Variants in KCNQ4 observed in about 807,000 individuals in gnomAD.
The protein encoded by KCNQ4 is potassium voltage-gated channel subfamily Q member 4.
Under a neutral mutation model 72.6 loss-of-function variants are expected in KCNQ4, and 31 were observed. The ratio of observed to expected loss-of-function variants is 0.43; its 90% CI spans 0.32 to 0.58. The LOEUF is 0.58. Ranked by LOEUF, KCNQ4 falls within the 20% of genes least tolerant of loss-of-function variation. The pLI is 0.08. For synonymous variants in KCNQ4, 405 were observed against 403.7 expected, an observed-to-expected ratio of 1.00 and a Z score of -0.04; for missense variants, 869 against 962.6, an observed-to-expected ratio of 0.90 and a Z score of 1.29.
chr1:40,839,360 A>G lies in KCNQ4; in HGVS notation c.*837A>G, dbSNP rs1358367746. 1 of 151,782 alleles carries G rather than the reference A, an allele frequency of 6.6e-6. No individual in the cohort carries two copies. The highest frequency in any genetic ancestry group is 1.5e-5 in the Non-Finnish European group (1 of 67,956). The allele number at this position is 151,782 out of a possible 1,614,324, so 9.4% of individuals were successfully genotyped here. A position where few individuals can be genotyped will look rare whatever the true frequency, so the allele number is the denominator to read the frequency against. ...CACAGGTTTCTGTATCCTCCCCAAA[A>G]CTCCCAGACAGTGCTTCGTGGACGA... is the stretch of plus-strand genomic sequence containing the variant. On this transcript the variant is annotated 3_prime_UTR_variant, in exon 14 of 14. Transcript: ENST00000347132.
chr1:40,835,228 G>A, intron 12 of KCNQ4, 130 bp downstream of exon 12: 4 of 1,249,180 alleles, frequency 3.2e-6, no homozygotes, highest in Non-Finnish European at 4.4e-6. Flanking sequence ...GACTGAGGAG[G>A]TCCCTGGCTT....
In KCNQ4 at chr1:40,788,006, TCCTC is replaced by T. The variant is rs1414753708; in HGVS notation, c.314+3604_314+3607del. 6.6e-6 allele frequency among the ~76,000 whole-genome samples: 1 copy of T among 151,834 alleles called. No homozygotes were observed. Among genetic ancestry groups the T allele is most frequent in the African/African-American group, 2.4e-5 (1 of 41,264 alleles). On this transcript the variant is annotated intron_variant, in intron 1 of 13. Transcript: ENST00000347132. This position sits in a 1 kb window ranked among gnomAD's most constrained non-coding sequence, Gnocchi z 4.5. Reference sequence around the variant, plus strand: ...GTGAAGGTTTGCGGCTCTGTAAACATCCTCCCTCAGCCTTGTCCGTGGGGTCAGA... The same window carrying T: ...GTGAAGGTTTGCGGCTCTGTAAACATCCTCAGCCTTGTCCGTGGGGTCAGA...
In KCNQ4 at chr1:40,794,940, C is replaced by T. The variant is rs1004085567; in HGVS notation, c.314+10533C>T. 6.9e-6 allele frequency among the ~76,000 whole-genome samples: 1 copy of T among 145,552 alleles called. No homozygotes were observed. Among genetic ancestry groups the T allele is most frequent in the African/African-American group, 2.6e-5 (1 of 38,736 alleles). The stretch of plus-strand genomic sequence containing the variant: ...TCCCGCACTTTGCAGTGAGGACCAA[C>T]CCAAGGCTCTTTCCTAAGATTGGGT... On this transcript the variant is annotated intron_variant, in intron 1 of 13. Coordinates refer to ENST00000347132, the MANE Select transcript of KCNQ4 (RefSeq NM_004700.4). The surrounding 1 kb of genome is among the most constrained non-coding windows in gnomAD (Gnocchi z 4.2).
chr1:40,834,725 C>T (rs965305785), intron 11 of KCNQ4, among the ~76,000 whole-genome samples: 2 of 152,114 alleles, frequency 1.3e-5, no homozygotes, highest in Non-Finnish European at 2.9e-5. Flanking sequence ...CCTGTCTTCT[C>T]ATACCATGGC....
rs1372294870 is a variant in KCNQ4 at position 40,818,695 on chromosome 1, C to T, written c.708+15C>T. On this transcript the variant is annotated intron_variant, in intron 4 of 13. Coordinates refer to ENST00000347132, the MANE Select transcript of KCNQ4 (RefSeq NM_004700.4). ...CGCATAGCAAGGTGAGGCCTGCAAG[C>T]CGCGCGCGGAGACCCGAGGGCGTGT... 2 of 1,574,396 alleles carry T rather than the reference C, an allele frequency of 1.3e-6. No individual in the cohort carries two copies. Among genetic ancestry groups the T allele is most frequent in the African/African-American group, 1.3e-5 (1 of 74,088 alleles).
chr1:40,790,112 A>G (rs1351526009), intron 1 of KCNQ4, among the ~76,000 whole-genome samples: 1 of 152,222 alleles, frequency 6.6e-6, no homozygotes, highest in Non-Finnish European at 1.5e-5. Context: ...GGGAGTGAAG[A>G]GCACGGGCTC....
At chr1:40,812,700 G>T (rs982840595) in intron 1 of KCNQ4, among the ~76,000 whole-genome samples, 28 of 152,234 alleles carry the variant, frequency 1.8e-4, no homozygotes, top group African/African-American at 6.5e-4. Context: ...GCCAAATGGA[G>T]ATGGTCAAGG....
chr1:40,791,261 A>G (rs1489244013), intron 1 of KCNQ4, among the ~76,000 whole-genome samples: 1 of 152,208 alleles, frequency 6.6e-6, no homozygotes, highest in Non-Finnish European at 1.5e-5. Flanking sequence ...TGCCTGGCAC[A>G]CAGTCGTGGT....
chr1:40,805,996 C>A (rs969355838), intron 1 of KCNQ4, among the ~76,000 whole-genome samples: 19 of 152,186 alleles, frequency 1.2e-4, no homozygotes, highest in African/African-American at 4.1e-4. Flanking sequence ...CGCCCACCAC[C>A]ACGCCTGGCT....
intron 1 of KCNQ4, among the ~76,000 whole-genome samples, chr1:40,812,931 G>A (rs904765654): frequency 1.3e-5 from 2 of 152,234 alleles, no homozygotes; most frequent in Non-Finnish European, 2.9e-5. Context: ...AGGGGCAAGA[G>A]AGTGGAGATG....
chr1:40,802,709 C>A (rs973830181), intron 1 of KCNQ4, among the ~76,000 whole-genome samples: 1 of 152,188 alleles, frequency 6.6e-6, no homozygotes, highest in African/African-American at 2.4e-5. Context: ...GAACCCGTAC[C>A]TCTCCCGAGA....
intron 1 of KCNQ4, among the ~76,000 whole-genome samples, chr1:40,798,198 C>T (rs1647469761): frequency 6.6e-6 from 1 of 152,112 alleles, no homozygotes; most frequent in Non-Finnish European, 1.5e-5. Flanking sequence ...CTCAGGTCAG[C>T]AGTAGAGCCC....
intron 1 of KCNQ4, among the ~76,000 whole-genome samples, chr1:40,797,734 G>C (rs1557991967): frequency 6.6e-6 from 1 of 152,140 alleles, no homozygotes; most frequent in Non-Finnish European, 1.5e-5. Flanking sequence ...GCCTCCTCCA[G>C]AGCTATTGAC....
chr1:40,795,415 C>T (rs915635537), intron 1 of KCNQ4, among the ~76,000 whole-genome samples: 1 of 151,998 alleles, frequency 6.6e-6, no homozygotes, highest in Admixed American at 6.6e-5. Context: ...GTGCACGTCA[C>T]GGCGCTAGGC....
chr1:40,824,670 C>G (rs1648423475), intron 9 of KCNQ4, among the ~76,000 whole-genome samples: 1 of 152,216 alleles, frequency 6.6e-6, no homozygotes, highest in African/African-American at 2.4e-5. Context: ...GGGCACCATC[C>G]TGGGGTGTGA....
chr1:40,824,329 C>T, intron 9 of KCNQ4, 71 bp downstream of exon 9: 2 of 1,505,770 alleles, frequency 1.3e-6, no homozygotes, highest in South Asian at 2.4e-5. Context: ...TCTTCATCCT[C>T]TCTCAGACCT....
intron 1 of KCNQ4, among the ~76,000 whole-genome samples, chr1:40,799,125 G>T (rs1042669705): frequency 2.6e-5 from 4 of 152,240 alleles, no homozygotes; most frequent in Admixed American, 6.5e-5. Context: ...CAGATCCCTG[G>T]CATACACCCA....
At chr1:40,820,059 G>A in intron 6 of KCNQ4, 74 bp downstream of exon 6, 1 of 1,529,874 alleles carries the variant, frequency 6.5e-7, no homozygotes, top group South Asian at 1.1e-5. Context: ...ACATTTGCCT[G>A]GGGAGCCTGG....
intron 1 of KCNQ4, among the ~76,000 whole-genome samples, chr1:40,787,807 T>A (rs991735871): frequency 1.3e-5 from 2 of 152,222 alleles, no homozygotes; most frequent in African/African-American, 2.4e-5. Flanking sequence ...TGAGCCCTTA[T>A]GGGGAATGCT....
Sources: allele counts gnomAD v4.1 joint callset (sites outside exome capture counted in the v4.1 genomes callset), GRCh38; gene constraint gnomAD v4.1.1; non-coding constraint Gnocchi (gnomAD v3.1); transcripts MANE v1.5; gene names NCBI Gene and HGNC (gene_info 2026-07-23, HGNC 2026-07-21).